Variants in CDH13 observed in about 807,000 individuals in gnomAD.
The protein encoded by CDH13 is cadherin 13.
Under a neutral mutation model 63.8 loss-of-function variants are expected in CDH13, and 24 were observed. The observed-to-expected ratio is 0.38, with a 90% CI of 0.27 to 0.53. CDH13 has a LOEUF of 0.53. CDH13 is among the 20% of genes least tolerant of loss of function. CDH13 has a pLI of 0.85. For missense variants in CDH13, 1,049 were observed against 903.1 expected, an observed-to-expected ratio of 1.16 and a Z score of -2.07; for synonymous variants, 503 against 355.3, an observed-to-expected ratio of 1.42 and a Z score of -4.67.
chr16:83,315,328 C>T (rs548809689), intron 5 of CDH13, among the ~76,000 whole-genome samples: 3 of 152,286 alleles, frequency 2.0e-5, no homozygotes, highest in African/African-American at 7.2e-5. Flanking sequence ...CAGTTAATTC[C>T]ACTAAACTCT....
chr16:83,253,417 A>T (rs1320192472), intron 5 of CDH13, among the ~76,000 whole-genome samples: 1 of 152,224 alleles, frequency 6.6e-6, no homozygotes, highest in African/African-American at 2.4e-5. Context: ...CATCTTGATC[A>T]AAGTAAGAAG....
intron 10 of CDH13, among the ~76,000 whole-genome samples, chr16:83,728,342 C>CATGTGTGTGTGTGTGT (rs1555521385): frequency 6.7e-6 from 1 of 149,212 alleles, no homozygotes; most frequent in African/African-American, 2.5e-5. Context: ...TATGTGTGTG[C>CATGTGTGTGTGTGTGT]GTGTGTGTGT....
chr16:82,767,945 T>C (rs1250819505), intron 1 of CDH13, among the ~76,000 whole-genome samples: 2 of 152,052 alleles, frequency 1.3e-5, no homozygotes, highest in Non-Finnish European at 2.9e-5. Flanking sequence ...AGAGTGACCA[T>C]TGCAAGGCCT....
At chr16:83,727,274 CAT>C (rs10559095) in intron 10 of CDH13, among the ~76,000 whole-genome samples, 32,892 of 151,924 alleles carry the variant, frequency 0.22, 3,976 homozygotes, top group African/African-American at 0.34. Flanking sequence ...AATCAGCTAA[CAT>C]GTGATATCCT....
intron 11 of CDH13, among the ~76,000 whole-genome samples, chr16:83,769,115 G>A (rs1315901296): frequency 1.3e-5 from 2 of 152,206 alleles, no homozygotes; most frequent in Non-Finnish European, 2.9e-5. Context: ...GTGGGCAGAA[G>A]TGTGGAGATC....
chr16:83,235,582 G>GTTTT (rs58891041), intron 5 of CDH13, among the ~76,000 whole-genome samples: 74 of 140,408 alleles, frequency 5.3e-4, no homozygotes, highest in East Asian at 2.0e-3. Flanking sequence ...ATGTGGTGGT[G>GTTTT]TTTTTTTTTT....
intron 2 of CDH13, among the ~76,000 whole-genome samples, chr16:82,911,866 C>G (rs534699734): frequency 8.3e-4 from 126 of 152,236 alleles, no homozygotes; most frequent in African/African-American, 2.8e-3. Context: ...CTGAGGGCAC[C>G]TGCTCCTACT....
intron 1 of CDH13, among the ~76,000 whole-genome samples, chr16:82,835,247 C>G (rs11644513): frequency 6.6e-6 from 1 of 152,078 alleles, no homozygotes; most frequent in African/African-American, 2.4e-5. Context: ...AGGGGTTTAA[C>G]AGGCACATGT....
At chr16:83,754,921 T>G (rs1913383674) in intron 11 of CDH13, among the ~76,000 whole-genome samples, 1 of 152,166 alleles carries the variant, frequency 6.6e-6, no homozygotes, top group Admixed American at 6.5e-5. Context: ...CTGGAGCCTC[T>G]CCAATCTTTT....
intron 1 of CDH13, among the ~76,000 whole-genome samples, chr16:82,708,025 T>C (rs2031629035): frequency 1.3e-5 from 2 of 152,166 alleles, no homozygotes; most frequent in South Asian, 4.1e-4. Flanking sequence ...TCCATCTTTT[T>C]CCTTCCAGCT....
chr16:83,072,469 G>T (rs191014459), intron 3 of CDH13, among the ~76,000 whole-genome samples: 1 of 152,230 alleles, frequency 6.6e-6, no homozygotes, highest in African/African-American at 2.4e-5. Flanking sequence ...CCTCTTATAT[G>T]GAAAATCATT....
Position 83,602,107 on chromosome 16 carries a change from C to CAAAAAAAAAAAAAAAAAAAAAAAAAAAA in CDH13, c.961-338_961-311dup, listed in dbSNP as rs869202510. Among the ~76,000 whole-genome samples the CAAAAAAAAAAAAAAAAAAAAAAAAAAAA allele has an allele frequency of 8.8e-4, 7 of 7,956 alleles. 1 individual carries two copies. Among genetic ancestry groups the CAAAAAAAAAAAAAAAAAAAAAAAAAAAA allele is most frequent in the Non-Finnish European group, 1.3e-3 (7 of 5,366 alleles). The allele number at this position is 7,956 out of a possible 152,430, so 5.2% of individuals were successfully genotyped here. ...CAAAAAAAAAAAAAAAGAACAACAA[C>CAAAAAAAAAAAAAAAAAAAAAAAAAAAA]AAAAAAAAAAAAAAAAAAAAAAAAA... On this transcript the variant is annotated intron_variant, in intron 7 of 13. Transcript: ENST00000567109.
At chr16:83,315,683 G>C (rs149518964) in intron 5 of CDH13, among the ~76,000 whole-genome samples, 1 of 150,170 alleles carries the variant, frequency 6.7e-6, no homozygotes, top group Non-Finnish European at 1.5e-5. Context: ...AATTTTTTTA[G>C]TGTGTTCTCG....
At chr16:83,504,304 G>T (rs2074348957) in intron 7 of CDH13, among the ~76,000 whole-genome samples, 1 of 152,106 alleles carries the variant, frequency 6.6e-6, no homozygotes, top group Non-Finnish European at 1.5e-5. Context: ...GCCTGATTCT[G>T]GAAAGACAGA....
chr16:82,752,793 A>G (rs1267960138), intron 1 of CDH13, among the ~76,000 whole-genome samples: 1 of 152,158 alleles, frequency 6.6e-6, no homozygotes, highest in African/African-American at 2.4e-5. Context: ...TTTTCATGAT[A>G]TCAATACCTC....
intron 1 of CDH13, among the ~76,000 whole-genome samples, chr16:82,664,409 G>T (rs1022291369): frequency 6.6e-6 from 1 of 152,196 alleles, no homozygotes; most frequent in Non-Finnish European, 1.5e-5. Context: ...GTTGGGTGCA[G>T]CTTGGCTACA....
intron 7 of CDH13, among the ~76,000 whole-genome samples, chr16:83,541,769 G>T (rs187515816): frequency 1.1e-4 from 16 of 152,320 alleles, no homozygotes; most frequent in African/African-American, 3.6e-4. Context: ...AGTTAATGTT[G>T]CTCTGCCTAA....
chr16:82,697,672 C>G (rs2030488427), intron 1 of CDH13, among the ~76,000 whole-genome samples: 1 of 151,884 alleles, frequency 6.6e-6, no homozygotes, highest in Non-Finnish European at 1.5e-5. Context: ...TCATGATCCA[C>G]CTGCCTCGGC....
intron 1 of CDH13, among the ~76,000 whole-genome samples, chr16:82,739,575 T>C (rs2151050902): frequency 6.6e-6 from 1 of 152,324 alleles, no homozygotes; most frequent in South Asian, 2.1e-4. Context: ...TTTATTTATT[T>C]TTAAAAAGTG....
Sources: allele counts gnomAD v4.1 joint callset (sites outside exome capture counted in the v4.1 genomes callset), GRCh38; gene constraint gnomAD v4.1.1; transcripts MANE v1.5; gene names NCBI Gene and HGNC (gene_info 2026-07-23, HGNC 2026-07-21).